ZNF260: variants seen among roughly 807,000 people sequenced by gnomAD.
The protein encoded by ZNF260 is zfp-260.
Under a neutral mutation model 29.3 loss-of-function variants are expected in ZNF260, and 21 were observed. The ratio of observed to expected loss-of-function variants is 0.72; its 90% CI spans 0.51 to 1.03. The LOEUF is 1.03. Ranked by LOEUF, ZNF260 falls within the 50% of genes least tolerant of loss-of-function variation. The probability of loss-of-function intolerance (pLI) is 0.00; values close to 1 mark genes in which losing one functional copy is unlikely to be tolerated. For missense variants in ZNF260, 465 were observed against 487.8 expected (o/e 0.95, Z 0.44); for synonymous variants, 156 against 156.8 (o/e 0.99, Z 0.04).
chr19:36,525,605 G>A (rs1285749800), intron 1 of ZNF260, among the ~76,000 whole-genome samples: 1 of 152,038 alleles, frequency 6.6e-6, no homozygotes, highest in African/African-American at 2.4e-5. Flanking sequence ...TGGCCAACAT[G>A]GTGAAACCCT....
In ZNF260 at chr19:36,515,167, C is replaced by T; in HGVS notation, c.72G>A (p.Glu24=). 1 of 1,613,122 alleles carries T rather than the reference C, an allele frequency of 6.2e-7. No individual in the cohort carries two copies. The highest frequency in any genetic ancestry group is 8.5e-7 in the Non-Finnish European group (1 of 1,179,356). ...TACATTCATTACATTCATAAGGTTT[C>T]TCTCCAGTATGAATTTGATCATGCT... ...LLQHDQIHTG[E]KPYECNECRK... is the part of the protein sequence containing the mutation. Residue 24 remains glutamate (E), a synonymous_variant, in exon 3 of 3, where the codon GAG becomes GAA. Coordinates refer to ENST00000523638, the MANE Select transcript of ZNF260 (RefSeq NM_001166037.2).
Position 36,515,138 on chromosome 19 carries a change from T to C in ZNF260, c.101A>G (p.Lys34Arg). ...EKPYECNECR[K>R]TFSLKQNLVE... is the part of the protein sequence containing the mutation. ...AAGGTTTTGCTTCAGGCTAAAAGTT[T>C]TTCTACATTCATTACATTCATAAGG... The change falls in exon 3 of 3, where the codon AAA (lysine) becomes AGA (arginine). Residue 34 changes from lysine (K) to arginine (R), a missense_variant. By Grantham distance (26) the Lys-to-Arg change is conservative (BLOSUM62 2). Coordinates refer to ENST00000523638, the MANE Select transcript of ZNF260 (RefSeq NM_001166037.2). The C allele has an allele frequency of 6.2e-7, 1 of 1,613,996 alleles. No homozygotes were observed.
chr19:36,513,901 A>G lies in ZNF260; in HGVS notation c.*99T>C, dbSNP rs2034493235. 2.2e-6 allele frequency: 3 copies of G among 1,333,490 alleles called. No individual in the cohort carries two copies. The highest frequency in any genetic ancestry group is 3.0e-5 in the African/African-American group (2 of 67,774). The allele number at this position is 1,333,490 out of a possible 1,614,324, so 82.6% of individuals were successfully genotyped here. A position where few individuals can be genotyped will look rare whatever the true frequency, so the allele number is the denominator to read the frequency against. ...TTGAATTGCTGCTGAAGGACTTCCC[A>G]CATTCATGTCACTTTAATGTAAAAT... On this transcript the variant is annotated 3_prime_UTR_variant, in exon 3 of 3. Transcript: ENST00000523638.
Position 36,513,562 on chromosome 19 carries a change from C to G in ZNF260, c.*438G>C, listed in dbSNP as rs1205891704. The stretch of plus-strand genomic sequence containing the variant: ...CACATTTCTGAATTCAATATTCTGT[C>G]TCAGTCTCAGTTTTATGACTGCTTC... On this transcript the variant is annotated 3_prime_UTR_variant, in exon 3 of 3. Transcript: ENST00000523638. 4 of 401,962 alleles carry G rather than the reference C, an allele frequency of 1.0e-5. No individual in the cohort carries two copies. The allele number at this position is 401,962 out of a possible 1,614,324, so 24.9% of individuals were successfully genotyped here.
In ZNF260 at chr19:36,515,507, A is replaced by G. The variant is rs1300660999; in HGVS notation, c.-269T>C. The G allele has an allele frequency of 3.5e-6, 1 of 289,124 alleles. No homozygotes were observed. The highest frequency in any genetic ancestry group is 6.8e-6 in the Non-Finnish European group (1 of 146,714). 17.9% of individuals were successfully genotyped at this position (289,124 alleles called of 1,614,324 possible). On this transcript the variant is annotated 5_prime_UTR_variant, in exon 3 of 3. Transcript: ENST00000523638. ...ATATTTAGGTATAGATTGTATATAA[A>G]TTAGGTTTCAAATTCTTTTAAACTG...
Position 36,515,456 on chromosome 19 carries a change from T to C in ZNF260, c.-218A>G, listed in dbSNP as rs1156343472. Reference sequence around the variant, plus strand: ...AAAATGTAACATTCTCTTTATATTCTTAATGGTTCTTATATAGCTTCTCCC... The same window carrying C: ...AAAATGTAACATTCTCTTTATATTCCTAATGGTTCTTATATAGCTTCTCCC... On this transcript the variant is annotated 5_prime_UTR_variant, in exon 3 of 3. Coordinates refer to ENST00000523638, the MANE Select transcript of ZNF260 (RefSeq NM_001166037.2). 7 of 474,144 alleles carry C rather than the reference T, an allele frequency of 1.5e-5. No individual in the cohort carries two copies. The highest frequency in any genetic ancestry group is 2.6e-5 in the Non-Finnish European group (7 of 264,616). 29.4% of individuals were successfully genotyped at this position (474,144 alleles called of 1,614,324 possible). A position where few individuals can be genotyped will look rare whatever the true frequency, so the allele number is the denominator to read the frequency against.
chr19:36,513,442 T>C lies in ZNF260; in HGVS notation c.*558A>G, dbSNP rs1226869546. 7.1e-6 allele frequency: 2 copies of C among 282,872 alleles called. No homozygotes were observed. The highest frequency in any genetic ancestry group is 1.2e-4 in the East Asian group (2 of 16,736). 17.5% of individuals were successfully genotyped at this position (282,872 alleles called of 1,614,324 possible). A position where few individuals can be genotyped will look rare whatever the true frequency, so the allele number is the denominator to read the frequency against. On this transcript the variant is annotated 3_prime_UTR_variant, in exon 3 of 3. Coordinates refer to ENST00000523638, the MANE Select transcript of ZNF260 (RefSeq NM_001166037.2). ...TATGATGGGAGATATTATTTTTCCA[T>C]ATGAAGAGTCAATTAATTTTTAAGT...
intron 2 of ZNF260, among the ~76,000 whole-genome samples, chr19:36,520,224 A>G (rs961515716): frequency 5.3e-5 from 8 of 151,300 alleles, no homozygotes; most frequent in African/African-American, 1.9e-4. Flanking sequence ...AGAAAGAAAG[A>G]AAAAGGAAAG....
At position 36,513,780 on chromosome 19, in the gene ZNF260, T is replaced by G. The variant is rs996558289; in HGVS notation, c.*220A>C. Reference sequence around the variant, plus strand: ...ATCCTAACTTTAATGAGTATACTCCTAGAAGTACAGCATTGATAATGCTTG... The same window carrying G: ...ATCCTAACTTTAATGAGTATACTCCGAGAAGTACAGCATTGATAATGCTTG... On this transcript the variant is annotated 3_prime_UTR_variant, in exon 3 of 3. Transcript: ENST00000523638. 55 of 586,932 alleles carry G rather than the reference T, an allele frequency of 9.4e-5. No individual in the cohort carries two copies. The African/African-American group carries it at 1.0e-3, about 11-fold the overall frequency. 36.4% of individuals were successfully genotyped at this position (586,932 alleles called of 1,614,324 possible).
At position 36,524,465 on chromosome 19, in the gene ZNF260, C is replaced by T. The variant is rs58361065; in HGVS notation, c.-462+690G>A. ...AAGTGCTGGGATTACAGGCGTGAGC[C>T]ACCACGCCTGGCCAGAATGATTACA... On this transcript the variant is annotated intron_variant, in intron 2 of 2. Coordinates refer to ENST00000523638, the MANE Select transcript of ZNF260 (RefSeq NM_001166037.2). Among the ~76,000 whole-genome samples the T allele has an allele frequency of 1.9e-3, 291 of 151,742 alleles. 1 individual carries two copies. Among genetic ancestry groups the T allele is most frequent in the African/African-American group, 6.7e-3 (278 of 41,406 alleles).
At chr19:36,527,462 T>G (rs1372224580) in intron 1 of ZNF260, among the ~76,000 whole-genome samples, 1 of 152,186 alleles carries the variant, frequency 6.6e-6, no homozygotes, top group African/African-American at 2.4e-5. Context: ...AAGAAAAGAA[T>G]TTCCCCTATA....
rs2034505822 is a variant in ZNF260, at chr19:36,514,395, C to T, written c.844G>A (p.Gly282Arg). Reference protein sequence around the residue: ...GEKPYKCNECGTIFRQKQYLI... With the variant: ...GEKPYKCNECRTIFRQKQYLI... Reference sequence around the variant, plus strand: ...TATTGCTTCTGCCTGAAGATTGTTCCACATTCATTACATTTGTAGGGTTTC... The same window carrying T: ...TATTGCTTCTGCCTGAAGATTGTTCTACATTCATTACATTTGTAGGGTTTC... Residue 282 changes from glycine to arginine, a missense_variant, in exon 3 of 3, where the codon GGA becomes AGA. Coordinates refer to ENST00000523638, the MANE Select transcript of ZNF260 (RefSeq NM_001166037.2). 5 of 1,613,502 alleles carry T rather than the reference C, an allele frequency of 3.1e-6. No homozygotes were observed. Among genetic ancestry groups the T allele is most frequent in the Non-Finnish European group, 3.4e-6 (4 of 1,179,602 alleles).
chr19:36,515,006 G>A lies in ZNF260; in HGVS notation c.233C>T (p.Thr78Ile), dbSNP rs765919467. ...ATTACATTTATATGCCTTCTTTCCT[G>A]TGTGACTTCTAAGGTGTAGAGTAAG... is the stretch of plus-strand genomic sequence containing the variant. ...SSLTLHLRSH[T>I]GKKAYKCNKC... The change falls in exon 3 of 3, where the codon ACA becomes ATA. Residue 78 changes from threonine (T) to isoleucine (I), a missense_variant. Coordinates refer to ENST00000523638, the MANE Select transcript of ZNF260 (RefSeq NM_001166037.2). 15 of 1,614,112 alleles carry A rather than the reference G, an allele frequency of 9.3e-6. No individual in the cohort carries two copies. In the East Asian group the frequency reaches 3.1e-4, roughly 34 times the overall value.
chr19:36,524,517 G>GTTTTTTCTTTTTTTTTTT (rs2034697826), intron 2 of ZNF260, among the ~76,000 whole-genome samples: 1 of 90,972 alleles, frequency 1.1e-5, no homozygotes, highest in Non-Finnish European at 2.3e-5. Flanking sequence ...TTACATGCTA[G>GTTTTTTCTTTTTTTTTTT]TTTTTTTTTT....
Position 36,513,910 on chromosome 19 carries a change from T to C in ZNF260, c.*90A>G. ...TGCTGAAGGACTTCCCACATTCATG[T>C]CACTTTAATGTAAAATGAATTTTCC... On this transcript the variant is annotated 3_prime_UTR_variant, in exon 3 of 3. Coordinates refer to ENST00000523638, the MANE Select transcript of ZNF260 (RefSeq NM_001166037.2). 7.2e-7 allele frequency: 1 copy of C among 1,393,264 alleles called. No homozygotes were observed. Among genetic ancestry groups the C allele is most frequent in the Non-Finnish European group, 9.8e-7 (1 of 1,023,180 alleles). 86.3% of individuals were successfully genotyped at this position (1,393,264 alleles called of 1,614,324 possible).
chr19:36,519,529 AAAAAG>A (rs1175698438), intron 2 of ZNF260, among the ~76,000 whole-genome samples: 3 of 152,156 alleles, frequency 2.0e-5, no homozygotes, highest in Non-Finnish European at 4.4e-5. Context: ...CAATATAAAT[AAAAAG>A]AAAAATGTAT....
At chr19:36,521,145 G>A (rs993120018) in intron 2 of ZNF260, among the ~76,000 whole-genome samples, 1 of 151,594 alleles carries the variant, frequency 6.6e-6, no homozygotes, top group Admixed American at 6.6e-5. Context: ...CCCAAGGCAT[G>A]GATGGCTTAG....
At chr19:36,526,181 A>G (rs1044310103) in intron 1 of ZNF260, among the ~76,000 whole-genome samples, 1 of 152,222 alleles carries the variant, frequency 6.6e-6, no homozygotes, top group Non-Finnish European at 1.5e-5. Flanking sequence ...TTCCCTTGAT[A>G]TCACAGGAGA....
intron 2 of ZNF260, among the ~76,000 whole-genome samples, chr19:36,524,102 A>G (rs1240639814): frequency 6.6e-6 from 1 of 152,124 alleles, no homozygotes; most frequent in Non-Finnish European, 1.5e-5. Flanking sequence ...TAAAGAAAAG[A>G]ATCTACTTGC....
Sources: allele counts gnomAD v4.1 joint callset (sites outside exome capture counted in the v4.1 genomes callset), GRCh38; gene constraint gnomAD v4.1.1; transcripts MANE v1.5; gene names NCBI Gene and HGNC (gene_info 2026-07-23, HGNC 2026-07-21).